The following CNOT4 variants were observed in gnomAD, a reference collection of about 807,000 sequenced individuals.
CNOT4 encodes the protein CCR4-NOT transcription complex subunit 4.
Under a neutral mutation model 73.8 loss-of-function variants are expected in CNOT4, and 8 were observed. The ratio of observed to expected loss-of-function variants is 0.11; its 90% CI spans 0.06 to 0.20. The LOEUF is 0.20. CNOT4 is among the 10% of genes least tolerant of loss of function. The probability of loss-of-function intolerance (pLI) is 1.00; values close to 1 mark genes in which losing one functional copy is unlikely to be tolerated. For synonymous variants in CNOT4, 293 were observed against 321.1 expected (o/e 0.91, Z 0.94); for missense variants, 564 against 883.4 (o/e 0.64, Z 4.58).
At chr7:135,495,670 A>T in intron 1 of CNOT4, among the ~76,000 whole-genome samples, 1 of 39,798 alleles carries the variant, frequency 2.5e-5, no homozygotes, top group Non-Finnish European at 4.7e-5. Flanking sequence ...ACCCTGTGTC[A>T]AAAAAAAAAA....
At position 135,362,689 on chromosome 7, in the gene CNOT4, A is replaced by C; in HGVS notation, c.*196T>G. 2.7e-6 allele frequency: 2 copies of C among 730,688 alleles called. No individual in the cohort carries two copies. Among genetic ancestry groups the C allele is most frequent in the Non-Finnish European group, 5.0e-6 (2 of 402,646 alleles). The allele number at this position is 730,688 out of a possible 1,614,324, so 45.3% of individuals were successfully genotyped here. A position where few individuals can be genotyped will look rare whatever the true frequency, so the allele number is the denominator to read the frequency against. ...GTGTCACTCAAATGCTGGATCAACA[A>C]AAATTTTTACAATTAATAAAGAGAT... On this transcript the variant is annotated 3_prime_UTR_variant, in exon 12 of 12. Coordinates refer to ENST00000541284, the MANE Select transcript of CNOT4 (RefSeq NM_001190850.2).
intron 1 of CNOT4, among the ~76,000 whole-genome samples, chr7:135,498,012 CA>C (rs1803705347): frequency 6.6e-6 from 1 of 152,184 alleles, no homozygotes; most frequent in South Asian, 2.1e-4. Flanking sequence ...ACTTTATATA[CA>C]TTAACCCATT....
Position 135,422,258 on chromosome 7 carries a change from T to C in CNOT4, c.270A>G (p.Lys90=). The change falls in exon 3 of 12, where the codon AAA becomes AAG. Residue 90 remains lysine (K), a synonymous_variant. Transcript: ENST00000541284. ...GTTTGCGATTTTCTGATATTTTCTG[T>C]TTTCTCTCATTTTGTTTCTGTTTTT... is the stretch of plus-strand genomic sequence containing the variant. ...NEKKQKQNER[K]QKISENRKHL... The C allele has an allele frequency of 6.3e-7, 1 of 1,595,470 alleles. No homozygotes were observed. The highest frequency in any genetic ancestry group is 8.6e-7 in the Non-Finnish European group (1 of 1,163,050).
rs1799276220 is a variant in CNOT4 at position 135,438,293 on chromosome 7, C to T, written c.39G>A (p.Glu13=). 4.3e-6 allele frequency: 7 copies of T among 1,613,714 alleles called. No homozygotes were observed. Among genetic ancestry groups the T allele is most frequent in the Admixed American group, 1.7e-5 (1 of 59,980 alleles). The change falls in exon 2 of 12, where the codon GAG becomes GAA. Residue 13 remains glutamate (E), a synonymous_variant. Transcript: ENST00000541284. The stretch of plus-strand genomic sequence containing the variant: ...CCAAGGGCTCCATGCAAAGAGGGCA[C>T]TCCACAGGGTCTTCCTTCGCATCAG... ...RSPDAKEDPV[E]CPLCMEPLEI...
At chr7:135,488,970 A>T (rs1802922966) in intron 1 of CNOT4, among the ~76,000 whole-genome samples, 1 of 152,164 alleles carries the variant, frequency 6.6e-6, no homozygotes, top group South Asian at 2.1e-4. Flanking sequence ...TGACAAAGTT[A>T]GGACTAAGAA....
intron 10 of CNOT4, among the ~76,000 whole-genome samples, chr7:135,390,709 C>T (rs1796355880): frequency 2.6e-5 from 4 of 151,968 alleles, no homozygotes; most frequent in Admixed American, 6.6e-5. Context: ...TTTAATAATT[C>T]ACTGAACAAA....
chr7:135,502,837 A>G (rs28721494), intron 1 of CNOT4, among the ~76,000 whole-genome samples: 2 of 150,998 alleles, frequency 1.3e-5, no homozygotes, highest in East Asian at 3.9e-4. Context: ...AAAAAAAAGA[A>G]AAAAAGAAAA....
At chr7:135,388,540 AT>A in intron 10 of CNOT4, 1 of 1,067,224 alleles carries the variant, frequency 9.4e-7, no homozygotes, top group Non-Finnish European at 1.1e-6. Context: ...CTACAAGTTT[AT>A]TTTTATGAGT....
At chr7:135,465,731 CA>C (rs560717165) in intron 1 of CNOT4, among the ~76,000 whole-genome samples, 23 of 142,692 alleles carry the variant, frequency 1.6e-4, no homozygotes, top group South Asian at 4.5e-4. Context: ...GTGTGTTTAA[CA>C]AAAAAAAAAA....
At chr7:135,403,714 T>A (rs1476210388) in intron 7 of CNOT4, among the ~76,000 whole-genome samples, 3 of 152,240 alleles carry the variant, frequency 2.0e-5, no homozygotes, top group Non-Finnish European at 2.9e-5. Context: ...CCCCATGACC[T>A]ACTTAACATG....
chr7:135,457,496 C>A (rs190440281), intron 1 of CNOT4, among the ~76,000 whole-genome samples: 11 of 152,076 alleles, frequency 7.2e-5, no homozygotes, highest in African/African-American at 2.6e-4. Context: ...TTTCTTTGGA[C>A]AACTAACTAT....
chr7:135,445,969 T>C (rs771677143), intron 1 of CNOT4, among the ~76,000 whole-genome samples: 1 of 152,162 alleles, frequency 6.6e-6, no homozygotes, highest in East Asian at 1.9e-4. Flanking sequence ...CTCAAAATGC[T>C]GGGCTTTATA....
chr7:135,415,095 G>A, intron 4 of CNOT4, 81 bp downstream of exon 4: 1 of 812,932 alleles, frequency 1.2e-6, no homozygotes, highest in Admixed American at 2.2e-5. Context: ...TCTAATCAGA[G>A]AGAGCAAAGT....
At position 135,414,312 on chromosome 7, in the gene CNOT4, ATC is replaced by A; in HGVS notation, c.561+17_561+18del. ...GTCTTCCTTAAAAAAAAAAAAAAGA[ATC>A]AAGAGGACTATATTACCTTAAGTGT... On this transcript the variant is annotated intron_variant, in intron 5 of 11. Transcript: ENST00000541284. 2.3e-6 allele frequency: 2 copies of A among 882,530 alleles called. No individual in the cohort carries two copies. Among genetic ancestry groups the A allele is most frequent in the Admixed American group, 2.2e-5 (1 of 45,432 alleles). 54.7% of individuals were successfully genotyped at this position (882,530 alleles called of 1,614,324 possible).
At chr7:135,430,944 A>G (rs1447732005) in intron 2 of CNOT4, among the ~76,000 whole-genome samples, 2 of 152,366 alleles carry the variant, frequency 1.3e-5, no homozygotes, top group African/African-American at 4.8e-5. Flanking sequence ...GGAGTTACCC[A>G]GTAGAATTAA....
intron 1 of CNOT4, among the ~76,000 whole-genome samples, chr7:135,499,622 TAA>T (rs1367698909): frequency 6.7e-6 from 1 of 150,212 alleles, no homozygotes; most frequent in East Asian, 2.1e-4. Flanking sequence ...ATGACACTCA[TAA>T]AGTCATCCCA....
intron 10 of CNOT4, among the ~76,000 whole-genome samples, chr7:135,365,075 G>A (rs561657655): frequency 1.4e-4 from 21 of 152,344 alleles, no homozygotes; most frequent in African/African-American, 4.3e-4. Flanking sequence ...ACGCTGAGAA[G>A]GAGGAGGAGG....
rs1263158827 is a variant in CNOT4, at chr7:135,472,520, T to A, written c.-92-34097A>T. On this transcript the variant is annotated intron_variant, in intron 1 of 11. Transcript: ENST00000541284. ...AAAAAAAAAAAAAAAAAAAAATATATATATATATATATATATATATATATA... is the reference window on the plus strand; with the variant it reads ...AAAAAAAAAAAAAAAAAAAAATATAAATATATATATATATATATATATATA... Among the ~76,000 whole-genome samples, 15 of 14,932 alleles carry A rather than the reference T, an allele frequency of 1.0e-3. 1 individual carries two copies. The highest frequency in any genetic ancestry group is 3.4e-3 in the African/African-American group (9 of 2,676). 9.8% of individuals were successfully genotyped at this position (14,932 alleles called of 152,430 possible).
chr7:135,397,607 CA>C (rs11381422), intron 8 of CNOT4, among the ~76,000 whole-genome samples: 136 of 131,138 alleles, frequency 1.0e-3, no homozygotes, highest in Middle Eastern at 3.9e-3. Context: ...AAAAACTAGC[CA>C]AAAAAAAAAA....
Sources: allele counts gnomAD v4.1 joint callset (sites outside exome capture counted in the v4.1 genomes callset), GRCh38; gene constraint gnomAD v4.1.1; transcripts MANE v1.5; gene names NCBI Gene and HGNC (gene_info 2026-07-23, HGNC 2026-07-21).